PHYH: variants seen among roughly 807,000 people sequenced by gnomAD.
PHYH encodes phytanoyl-CoA dioxygenase, peroxisomal.
In PHYH, 32 loss-of-function variants were observed where a neutral mutation model predicts 38.5. The observed-to-expected ratio is 0.83, with a 90% CI of 0.63 to 1.12. The LOEUF (loss-of-function observed/expected upper bound fraction) is 1.12, where lower values mean the gene tolerates loss of function less well. Among genes scored for constraint, PHYH ranks in the 50% most tolerant of loss-of-function variants. The pLI is 0.00. For missense variants in PHYH, 426 were observed against 434.8 expected (o/e 0.98, Z 0.18); for synonymous variants, 166 against 157.9 (o/e 1.05, Z -0.38).
At chr10:13,289,560 A>G (rs1165082328) in intron 5 of PHYH, among the ~76,000 whole-genome samples, 1 of 152,198 alleles carries the variant, frequency 6.6e-6, no homozygotes, top group Non-Finnish European at 1.5e-5. Flanking sequence ...TGCATGTTCA[A>G]AAACCAGTTG....
At position 13,281,130 on chromosome 10, in the gene PHYH, T is replaced by C; in HGVS notation, c.829-20A>G. On this transcript the variant is annotated intron_variant, in intron 7 of 8. Transcript: ENST00000263038. ...AATTGCCTGTGCAAAGTGAACAAATTGATATTGGAGAAAAACATCCCATGA... is the reference window on the plus strand; with the variant it reads ...AATTGCCTGTGCAAAGTGAACAAATCGATATTGGAGAAAAACATCCCATGA... 1 of 1,613,920 alleles carries C rather than the reference T, an allele frequency of 6.2e-7. No individual in the cohort carries two copies. The highest frequency in any genetic ancestry group is 8.5e-7 in the Non-Finnish European group (1 of 1,179,872).
At chr10:13,298,847 G>A (rs1832654078) in intron 1 of PHYH, among the ~76,000 whole-genome samples, 1 of 106,890 alleles carries the variant, frequency 9.4e-6, no homozygotes, top group Non-Finnish European at 2.0e-5. Context: ...CTGGGAGGCG[G>A]AGGTTGCAGT....
chr10:13,291,514 A>C (rs1310144037), intron 5 of PHYH: 1 of 366,678 alleles, frequency 2.7e-6, no homozygotes, highest in Non-Finnish European at 5.1e-6. Context: ...ATAGGGTCTC[A>C]CTGTGTCACG....
At chr10:13,284,374 T>G (rs1835494786) in intron 6 of PHYH, among the ~76,000 whole-genome samples, 1 of 152,194 alleles carries the variant, frequency 6.6e-6, no homozygotes, top group Non-Finnish European at 1.5e-5. Context: ...TTAAAATCAC[T>G]GATTTTTTGG....
Position 13,295,590 on chromosome 10 carries a change from T to G in PHYH, c.151A>C (p.Asn51His), listed in dbSNP as rs756504018. 13 of 1,237,230 alleles carry G rather than the reference T, an allele frequency of 1.1e-5. No homozygotes were observed. In the South Asian group the frequency reaches 1.4e-4, roughly 14 times the overall value. The allele number at this position is 1,237,230 out of a possible 1,614,324, so 76.6% of individuals were successfully genotyped here. ...TTTCTCTGTTCCAGGGTTAGAACGTTATTATCCAGAGTATACCTAAAGGAG... is the reference window on the plus strand; with the variant it reads ...TTTCTCTGTTCCAGGGTTAGAACGTGATTATCCAGAGTATACCTAAAGGAG... ...PQQFQYTLDN[N>H]VLTLEQRKFY... The change falls in exon 3 of 9, where the codon AAC becomes CAC. Residue 51 changes from asparagine (N) to histidine (H), a missense_variant. Transcript: ENST00000263038.
chr10:13,284,184 G>A (rs1295090004), intron 6 of PHYH, among the ~76,000 whole-genome samples: 7 of 152,176 alleles, frequency 4.6e-5, no homozygotes, highest in Admixed American at 6.5e-5. Flanking sequence ...TTAGCTGGGC[G>A]TGGTGGTGCC....
intron 5 of PHYH, among the ~76,000 whole-genome samples, chr10:13,288,921 CCAA>C (rs1564424520): frequency 1.0e-4 from 2 of 19,678 alleles, no homozygotes; most frequent in African/African-American, 1.5e-4. Flanking sequence ...CCACCCCCAA[CCAA>C]AAAAAAAAAA....
At chr10:13,298,718 C>CACTACTACT (rs56043624) in intron 1 of PHYH, among the ~76,000 whole-genome samples, 7,498 of 93,308 alleles carry the variant, frequency 0.08, 379 homozygotes, top group Non-Finnish European at 0.089. Context: ...AAACTACCAC[C>CACTACTACT]ACTACTACTA....
intron 6 of PHYH, among the ~76,000 whole-genome samples, chr10:13,284,110 C>A (rs1160262205): frequency 2.0e-5 from 3 of 152,022 alleles, no homozygotes; most frequent in African/African-American, 7.2e-5. Context: ...ATTGCTTATG[C>A]TCAGGAGTTT....
chr10:13,290,822 C>T (rs1219662106), intron 5 of PHYH, among the ~76,000 whole-genome samples: 7 of 152,182 alleles, frequency 4.6e-5, no homozygotes, highest in African/African-American at 7.2e-5. Context: ...ATAGGCTGGG[C>T]GCGGTGGCTC....
intron 4 of PHYH, 80 bp downstream of exon 4, chr10:13,294,348 G>T (rs573099963): frequency 2.2e-6 from 3 of 1,356,208 alleles, no homozygotes; most frequent in Admixed American, 3.4e-5. Flanking sequence ...GAGCCACTGC[G>T]CCCGGCCAAA....
At chr10:13,279,476 A>G (rs897621557) in intron 8 of PHYH, among the ~76,000 whole-genome samples, 1 of 152,236 alleles carries the variant, frequency 6.6e-6, no homozygotes, top group African/African-American at 2.4e-5. Flanking sequence ...TTGAGCAAAC[A>G]GCAAGGTATG....
In PHYH at chr10:13,278,466, A is replaced by G. The variant is rs575307543; in HGVS notation, c.964-112T>C. 1.4e-5 allele frequency: 11 copies of G among 770,182 alleles called. No individual in the cohort carries two copies. The African/African-American group carries it at 1.7e-4, about 12-fold the overall frequency. 47.7% of individuals were successfully genotyped at this position (770,182 alleles called of 1,614,324 possible). On this transcript the variant is annotated intron_variant, in intron 8 of 8. Coordinates refer to ENST00000263038, the MANE Select transcript of PHYH (RefSeq NM_006214.4). Reference sequence around the variant, plus strand: ...ATTTCTAGCTTCTATGAAAGGTTACATAGGGAAAATAATCCCTGTAAGTTA... The same window carrying G: ...ATTTCTAGCTTCTATGAAAGGTTACGTAGGGAAAATAATCCCTGTAAGTTA...
intron 5 of PHYH, 52 bp from the exon 6 acceptor site, chr10:13,288,593 C>A (rs776306342): frequency 1.9e-6 from 3 of 1,558,940 alleles, no homozygotes; most frequent in African/African-American, 1.4e-5. Context: ...TGCAGTGGCT[C>A]ACGCCTGTAA....
At chr10:13,298,982 C>G (rs1346813830) in intron 1 of PHYH, among the ~76,000 whole-genome samples, 1 of 148,990 alleles carries the variant, frequency 6.7e-6, no homozygotes, top group Non-Finnish European at 1.5e-5. Context: ...ATAACAACAA[C>G]AACATAAATT....
chr10:13,285,122 C>T (rs1835515162), intron 6 of PHYH, among the ~76,000 whole-genome samples: 1 of 152,196 alleles, frequency 6.6e-6, no homozygotes, highest in Admixed American at 6.5e-5. Flanking sequence ...AGGATCCAGA[C>T]ACTCACATAT....
At chr10:13,290,420 G>A (rs917252122) in intron 5 of PHYH, among the ~76,000 whole-genome samples, 1 of 152,188 alleles carries the variant, frequency 6.6e-6, no homozygotes, top group Non-Finnish European at 1.5e-5. Context: ...CCCTGAGTGT[G>A]GCTCCCGAAC....
intron 6 of PHYH, among the ~76,000 whole-genome samples, chr10:13,284,983 T>C (rs1459277517): frequency 3.9e-5 from 6 of 152,132 alleles, no homozygotes; most frequent in Admixed American, 2.6e-4. Flanking sequence ...TATCTGAGAC[T>C]CCACACGCTC....
At chr10:13,299,313 T>C (rs1021211411) in intron 1 of PHYH, 10 of 311,594 alleles carry the variant, frequency 3.2e-5, no homozygotes, top group African/African-American at 1.8e-4. Context: ...TTCTCTCTTT[T>C]GGAACGCACT....
Sources: gnomAD v4.1 joint callset for allele counts (sites outside exome capture counted in the v4.1 genomes callset) on GRCh38, gnomAD v4.1.1 for gene constraint, MANE v1.5 for transcripts, NCBI Gene and HGNC (gene_info 2026-07-23, HGNC 2026-07-21) for gene names.